PRKCH: variants seen among roughly 807,000 people sequenced by gnomAD.
PRKCH encodes protein kinase C eta.
PRKCH carries 28 observed loss-of-function variants against 82.5 expected under a neutral mutation model. That is an observed-to-expected ratio of 0.34 (90% CI 0.25 to 0.47). The LOEUF (loss-of-function observed/expected upper bound fraction) is 0.47, where lower values mean the gene tolerates loss of function less well. Among genes scored for constraint, PRKCH ranks in the 20% least tolerant of loss-of-function variants. The pLI, the probability that PRKCH is intolerant of heterozygous loss-of-function variation, is 1.00. For synonymous variants in PRKCH, 322 were observed against 327.4 expected, an observed-to-expected ratio of 0.98 and a Z score of 0.18; for missense variants, 705 against 881.8, an observed-to-expected ratio of 0.80 and a Z score of 2.54.
intron 1 of PRKCH, among the ~76,000 whole-genome samples, chr14:61,228,816 G>C (rs1341555678): frequency 6.6e-6 from 1 of 152,010 alleles, no homozygotes; most frequent in East Asian, 1.9e-4. Flanking sequence ...CAAAGCAGGA[G>C]GATTGCTTGG....
intron 3 of PRKCH, 44 bp from the exon 4 acceptor site, chr14:61,445,648 T>C (rs759983316): frequency 3.2e-6 from 5 of 1,554,960 alleles, no homozygotes; most frequent in Non-Finnish European, 4.4e-6. Flanking sequence ...AAGAGGGTTA[T>C]TGCTGAAATA....
chr14:61,529,913 A>T (rs28473553), intron 11 of PRKCH, among the ~76,000 whole-genome samples: 5,225 of 125,674 alleles, frequency 0.042, 224 homozygotes, highest in African/African-American at 0.1. Context: ...AATAAAAAAA[A>T]ATATATATAT....
chr14:61,262,330 A>G (rs554138071), intron 1 of PRKCH, among the ~76,000 whole-genome samples: 11 of 152,306 alleles, frequency 7.2e-5, no homozygotes, highest in African/African-American at 2.6e-4. Flanking sequence ...TTGCATATTC[A>G]TACAACAAAA....
chr14:61,188,704 A>AGTGTGTGTGTGTGTGT (rs754540967), intron 1 of PRKCH, among the ~76,000 whole-genome samples: 2,443 of 86,094 alleles, frequency 0.028, 233 homozygotes, highest in Admixed American at 0.035. Flanking sequence ...ACGTTGCTGT[A>AGTGTGTGTGTGTGTGT]GTGTGTGTGT....
chr14:61,414,355 C>T (rs1882445197), intron 2 of PRKCH, among the ~76,000 whole-genome samples: 1 of 151,620 alleles, frequency 6.6e-6, no homozygotes, highest in Non-Finnish European at 1.5e-5. Flanking sequence ...TCACTACATC[C>T]TCCGCCTCCC....
In PRKCH at chr14:61,329,232, G is replaced by GTCTTTTTT. The variant is rs1566822988; in HGVS notation, c.363+6770_363+6777dup. 1.2e-4 allele frequency among the ~76,000 whole-genome samples: 2 copies of GTCTTTTTT among 16,136 alleles called. 1 individual carries two copies. Among genetic ancestry groups the GTCTTTTTT allele is most frequent in the African/African-American group, 2.3e-4 (2 of 8,700 alleles). 10.6% of individuals were successfully genotyped at this position (16,136 alleles called of 152,430 possible). A position where few individuals can be genotyped will look rare whatever the true frequency, so the allele number is the denominator to read the frequency against. On this transcript the variant is annotated intron_variant, in intron 1 of 13. Coordinates refer to ENST00000332981, the MANE Select transcript of PRKCH (RefSeq NM_006255.5). ...CCACTGCTCTTAGATAAACTCCTGA[G>GTCTTTTTT]TCTTTTTTTTTTTTTTTTTTTTGAG...
chr14:61,477,385 G>A (rs145882058), intron 9 of PRKCH: 1 of 152,298 alleles, frequency 6.6e-6, no homozygotes, highest in African/African-American at 2.4e-5. Context: ...TCTGAGTATG[G>A]TGGCTATTTC....
intron 5 of PRKCH, 77 bp downstream of exon 5, chr14:61,449,329 T>TCCTTTCCTCCCC: frequency 4.1e-6 from 5 of 1,207,790 alleles, no homozygotes; most frequent in Non-Finnish European, 6.0e-6. Context: ...TCTCCCTCCC[T>TCCTTTCCTCCCC]CCCTCCTTTC....
intron 1 of PRKCH, among the ~76,000 whole-genome samples, chr14:61,199,322 A>G (rs778715467): frequency 2.0e-5 from 3 of 152,208 alleles, no homozygotes; most frequent in Non-Finnish European, 4.4e-5. Flanking sequence ...GATTGGACTC[A>G]ATACAAATAA....
intron 1 of PRKCH, among the ~76,000 whole-genome samples, chr14:61,359,252 G>A (rs1361382447): frequency 1.3e-5 from 2 of 152,198 alleles, no homozygotes; most frequent in Admixed American, 6.5e-5. Context: ...GCGTATCAGA[G>A]GTTCAAGCCA....
chr14:61,320,141 A>G (rs1483177726), upstream of PRKCH, among the ~76,000 whole-genome samples: 1 of 152,048 alleles, frequency 6.6e-6, no homozygotes, highest in East Asian at 1.9e-4. Context: ...ATGGTAAGCC[A>G]TGATCACACC....
Position 61,382,177 on chromosome 14 carries a change from T to C in PRKCH, c.364-9048T>C, listed in dbSNP as rs371049142. The stretch of plus-strand genomic sequence containing the variant: ...CAGGCACAGTGGCTCACACCAGTAA[T>C]TTTAGCACTTTGGGAGGCTGAGGCA... On this transcript the variant is annotated intron_variant, in intron 1 of 13. Transcript: ENST00000332981. Among the ~76,000 whole-genome samples, 7 of 152,302 alleles carry C rather than the reference T, an allele frequency of 4.6e-5. No homozygotes were observed. The East Asian group carries it at 7.7e-4, about 17-fold the overall frequency.
intron 1 of PRKCH, among the ~76,000 whole-genome samples, chr14:61,195,582 G>A (rs1415858687): frequency 3.3e-5 from 5 of 152,206 alleles, no homozygotes; most frequent in Admixed American, 3.3e-4. Flanking sequence ...ATTATGCATA[G>A]GATATTTTAG....
intron 1 of PRKCH, among the ~76,000 whole-genome samples, chr14:61,240,453 G>C (rs1233770236): frequency 6.6e-6 from 1 of 152,086 alleles, no homozygotes; most frequent in East Asian, 1.9e-4. Context: ...TGCACATGTG[G>C]TGTTACCTGG....
chr14:61,200,769 GTTCTA>G (rs1303024873), intron 1 of PRKCH, among the ~76,000 whole-genome samples: 1 of 124,954 alleles, frequency 8.0e-6, no homozygotes, highest in Non-Finnish European at 1.6e-5. Flanking sequence ...ATTGTTAAGT[GTTCTA>G]TTTTATTATT....
At chr14:61,452,298 A>G (rs1316120990) in intron 6 of PRKCH, among the ~76,000 whole-genome samples, 4 of 152,064 alleles carry the variant, frequency 2.6e-5, no homozygotes, top group African/African-American at 4.8e-5. Flanking sequence ...AAAGCCCTCT[A>G]CTTGATTTGG....
At chr14:61,458,001 G>A (rs1268329321) in intron 9 of PRKCH, among the ~76,000 whole-genome samples, 2 of 152,222 alleles carry the variant, frequency 1.3e-5, no homozygotes, top group African/African-American at 4.8e-5. Context: ...TAAGAACAGA[G>A]AAAATGCCAT....
chr14:61,328,226 C>T (rs1042489162), intron 1 of PRKCH, among the ~76,000 whole-genome samples: 5 of 133,648 alleles, frequency 3.7e-5, no homozygotes, highest in African/African-American at 5.9e-5. Context: ...GTCCGCAGTC[C>T]GGCCTGGGCA....
intron 2 of PRKCH, among the ~76,000 whole-genome samples, chr14:61,425,023 A>C (rs1883038164): frequency 6.6e-6 from 1 of 152,224 alleles, no homozygotes; most frequent in African/African-American, 2.4e-5. Flanking sequence ...TCAAGAATTG[A>C]GGTTTGGGAG....
Sources: allele counts gnomAD v4.1 joint callset (sites outside exome capture counted in the v4.1 genomes callset), GRCh38; gene constraint gnomAD v4.1.1; transcripts MANE v1.5; gene names NCBI Gene and HGNC (gene_info 2026-07-23, HGNC 2026-07-21).